Variants in TLE4 observed in about 807,000 individuals in gnomAD.
TLE4 encodes the protein TLE family member 4, transcriptional corepressor.
Under a neutral mutation model 92.8 loss-of-function variants are expected in TLE4, and 8 were observed. The ratio of observed to expected loss-of-function variants is 0.09; its 90% CI spans 0.05 to 0.16. The LOEUF is 0.16. Among genes scored for constraint, TLE4 ranks in the 10% least tolerant of loss-of-function variants. TLE4 has a pLI of 1.00. For synonymous variants in TLE4, 371 were observed against 374.1 expected, an observed-to-expected ratio of 0.99 and a Z score of 0.10; for missense variants, 675 against 997.6, an observed-to-expected ratio of 0.68 and a Z score of 4.36.
chr9:79,624,697 T>A (rs755156538), intron 5 of TLE4, among the ~76,000 whole-genome samples: 6 of 152,176 alleles, frequency 3.9e-5, no homozygotes, highest in Non-Finnish European at 8.8e-5. Context: ...CGGAAAGATA[T>A]CCCCTGCTGC....
chr9:79,582,740 A>T (rs2040023003), intron 4 of TLE4, among the ~76,000 whole-genome samples: 1 of 146,484 alleles, frequency 6.8e-6, no homozygotes, highest in South Asian at 2.2e-4. Flanking sequence ...AGGGACAGGG[A>T]TGTGAGTTCT....
intron 5 of TLE4, 131 bp downstream of exon 5, chr9:79,612,849 A>C: frequency 1.3e-6 from 1 of 750,838 alleles, no homozygotes; most frequent in East Asian, 2.6e-5. Flanking sequence ...ATTTCTAAGA[A>C]ACAGTGTTCT....
intron 6 of TLE4, among the ~76,000 whole-genome samples, chr9:79,633,963 A>G (rs1407356014): frequency 6.6e-6 from 1 of 152,130 alleles, no homozygotes; most frequent in African/African-American, 2.4e-5. Context: ...CCTGTTCTCA[A>G]AGCTCCCTAA....
At chr9:79,649,050 CTA>C (rs1168088838) in intron 6 of TLE4, among the ~76,000 whole-genome samples, 1 of 152,122 alleles carries the variant, frequency 6.6e-6, no homozygotes, top group Non-Finnish European at 1.5e-5. Flanking sequence ...GATATACTGT[CTA>C]TGACTGCAGA....
chr9:79,720,254 A>G lies in TLE4; in HGVS notation c.1799A>G (p.Asn600Ser). Reference protein sequence around the residue: ...KVCFSCCSDGNIAVWDLHNQT... With the variant: ...KVCFSCCSDGSIAVWDLHNQT... Reference sequence around the variant, plus strand: ...TGCTTCTCATGCTGCAGCGACGGCAACATCGCTGTGTGGGATCTGCACAAC... The same window carrying G: ...TGCTTCTCATGCTGCAGCGACGGCAGCATCGCTGTGTGGGATCTGCACAAC... Residue 600 changes from asparagine (N) to serine (S), a missense_variant, in exon 16 of 20, where the codon AAC becomes AGC. Physicochemically the swap from Asn to Ser is conservative, Grantham distance 46 (BLOSUM62 1). This residue lies in a region of TLE4 where 170 missense variants were observed against 359.6 expected (regional missense o/e 0.47). Transcript: ENST00000376552. 1 of 1,614,120 alleles carries G rather than the reference A, an allele frequency of 6.2e-7. No homozygotes were observed. Among genetic ancestry groups the G allele is most frequent in the South Asian group, 1.1e-5 (1 of 91,076 alleles).
At chr9:79,654,188 T>C in intron 8 of TLE4, 113 bp downstream of exon 8, 1 of 1,072,958 alleles carries the variant, frequency 9.3e-7, no homozygotes, top group Admixed American at 2.3e-5. Flanking sequence ...TGGTTAGTAG[T>C]GGTTAACTGC....
Position 79,725,229 on chromosome 9 carries a change from T to A in TLE4, c.*85T>A. 2.2e-6 allele frequency: 2 copies of A among 920,346 alleles called. No individual in the cohort carries two copies. Among genetic ancestry groups the A allele is most frequent in the Non-Finnish European group, 3.4e-6 (2 of 582,514 alleles). The allele number at this position is 920,346 out of a possible 1,614,324, so 57.0% of individuals were successfully genotyped here. A position where few individuals can be genotyped will look rare whatever the true frequency, so the allele number is the denominator to read the frequency against. ...TTTTGTTCACCCCCATCCCCGCATCTAAAACCAAGGATTTCAGATACTCAT... is the reference window on the plus strand; with the variant it reads ...TTTTGTTCACCCCCATCCCCGCATCAAAAACCAAGGATTTCAGATACTCAT... On this transcript the variant is annotated 3_prime_UTR_variant, in exon 20 of 20. Coordinates refer to ENST00000376552, the MANE Select transcript of TLE4 (RefSeq NM_007005.6).
chr9:79,642,667 G>A (rs1055063149), intron 6 of TLE4, among the ~76,000 whole-genome samples: 5 of 152,004 alleles, frequency 3.3e-5, no homozygotes, highest in Admixed American at 1.3e-4. Flanking sequence ...CATAAAATAC[G>A]CTAACGGGAT....
rs563275345 is a variant in TLE4 at position 79,598,048 on chromosome 9, C to T, written c.253-14608C>T. Among the ~76,000 whole-genome samples, 19 of 138,092 alleles carry T rather than the reference C, an allele frequency of 1.4e-4. 1 individual carries two copies. In the South Asian group the frequency reaches 3.2e-3, roughly 23 times the overall value. 90.6% of individuals were successfully genotyped at this position (138,092 alleles called of 152,430 possible). A position where few individuals can be genotyped will look rare whatever the true frequency, so the allele number is the denominator to read the frequency against. ...GAGATCGAGACTATCCTGGCTAACA[C>T]GGTGAAACCCTGTCTCTACTGAAAA... On this transcript the variant is annotated intron_variant, in intron 4 of 19. Coordinates refer to ENST00000376552, the MANE Select transcript of TLE4 (RefSeq NM_007005.6).
At chr9:79,682,891 C>T (rs1418873273) in intron 8 of TLE4, among the ~76,000 whole-genome samples, 1 of 152,156 alleles carries the variant, frequency 6.6e-6, no homozygotes. Flanking sequence ...GTTGTGGTGA[C>T]AGTCTTCAGG....
intron 6 of TLE4, among the ~76,000 whole-genome samples, chr9:79,631,396 AC>A (rs1282832604): frequency 2.6e-5 from 4 of 152,236 alleles, no homozygotes; most frequent in African/African-American, 7.2e-5. Flanking sequence ...CAGGAAAAAA[AC>A]ATTACATTTT....
chr9:79,616,023 C>T (rs1187620169), intron 5 of TLE4, among the ~76,000 whole-genome samples: 1 of 152,156 alleles, frequency 6.6e-6, no homozygotes, highest in African/African-American at 2.4e-5. Flanking sequence ...GTTCTTTTCT[C>T]TCACTTCACT....
intron 4 of TLE4, among the ~76,000 whole-genome samples, chr9:79,586,556 C>T (rs1439834387): frequency 6.6e-6 from 1 of 152,182 alleles, no homozygotes; most frequent in African/African-American, 2.4e-5. Flanking sequence ...TAAAGCGTGT[C>T]TGTAAACTGT....
chr9:79,573,903 T>G (rs1267309592), intron 2 of TLE4, 117 bp downstream of exon 2: 1 of 671,502 alleles, frequency 1.5e-6, no homozygotes, highest in Non-Finnish European at 2.2e-6. Flanking sequence ...GGTATTATTT[T>G]TTTTTCTCGG....
intron 4 of TLE4, among the ~76,000 whole-genome samples, chr9:79,593,426 G>A (rs938579919): frequency 3.9e-5 from 6 of 152,028 alleles, no homozygotes; most frequent in Admixed American, 3.9e-4. Context: ...AAAAGGGTCA[G>A]CACTTGTGGC....
At chr9:79,621,872 T>C (rs553484067) in intron 5 of TLE4, among the ~76,000 whole-genome samples, 172 of 152,298 alleles carry the variant, frequency 1.1e-3, no homozygotes, top group Non-Finnish European at 1.8e-3. Flanking sequence ...TGGCTTCTAT[T>C]AGCCAAAAGG....
chr9:79,624,316 G>A (rs1322981892), intron 5 of TLE4, among the ~76,000 whole-genome samples: 1 of 151,970 alleles, frequency 6.6e-6, no homozygotes, highest in African/African-American at 2.4e-5. Flanking sequence ...TTCCCTGGTG[G>A]GTGCTTCCTC....
chr9:79,705,370 C>T (rs950078848), intron 9 of TLE4, among the ~76,000 whole-genome samples: 7 of 152,204 alleles, frequency 4.6e-5, no homozygotes, highest in African/African-American at 1.7e-4. Context: ...CCTTTAGTGG[C>T]TGGGCAGGTC....
chr9:79,714,547 G>A (rs941943570), intron 14 of TLE4, among the ~76,000 whole-genome samples: 1 of 151,936 alleles, frequency 6.6e-6, no homozygotes, highest in African/African-American at 2.4e-5. Context: ...CTCTTTACTC[G>A]ATGGTATCTT....
Sources: gnomAD v4.1 joint callset for allele counts (sites outside exome capture counted in the v4.1 genomes callset) on GRCh38, gnomAD v4.1.1 for gene constraint, gnomAD v4.1.1 regional missense constraint, MANE v1.5 for transcripts, NCBI Gene and HGNC (gene_info 2026-07-23, HGNC 2026-07-21) for gene names.